Variants in TRIM44 observed in about 807,000 individuals in gnomAD.
TRIM44 encodes tripartite motif-containing protein 44.
Under a neutral mutation model 37.4 loss-of-function variants are expected in TRIM44, and 13 were observed. That is an observed-to-expected ratio of 0.35 (90% CI 0.23 to 0.55). The LOEUF is 0.55. TRIM44 is among the 20% of genes least tolerant of loss of function. The probability of loss-of-function intolerance (pLI) is 0.89; values close to 1 mark genes in which losing one functional copy is unlikely to be tolerated. For synonymous variants in TRIM44, 175 were observed against 157.2 expected (o/e 1.11, Z -0.85); for missense variants, 426 against 437.2 (o/e 0.97, Z 0.23).
At chr11:35,748,560 T>C (rs572511462) in intron 4 of TRIM44, among the ~76,000 whole-genome samples, 13 of 152,362 alleles carry the variant, frequency 8.5e-5, no homozygotes, top group Non-Finnish European at 1.9e-4. Context: ...CTGAATCTTA[T>C]CCTATTGGGT....
chr11:35,747,984 A>G (rs962561948), intron 4 of TRIM44, among the ~76,000 whole-genome samples: 7 of 152,222 alleles, frequency 4.6e-5, no homozygotes, highest in Admixed American at 2.0e-4. Flanking sequence ...CAGATGCTCC[A>G]GCCCAGCATG....
chr11:35,816,819 G>A lies in TRIM44; in HGVS notation c.*10434G>A, dbSNP rs1364929670. The A allele has an allele frequency of 3.3e-5, 5 of 152,208 alleles. No individual in the cohort carries two copies. The allele number at this position is 152,208 out of a possible 1,614,324, so 9.4% of individuals were successfully genotyped here. ...GTGCCTGACACATAGTAAGCACTTA[G>A]AAATGGTAGCTTCTGACTGTTGTGC... On this transcript the variant is annotated 3_prime_UTR_variant, in exon 5 of 5. Coordinates refer to ENST00000299413, the MANE Select transcript of TRIM44 (RefSeq NM_017583.6).
In TRIM44 at chr11:35,812,117, C is replaced by A. The variant is rs182767864; in HGVS notation, c.*5732C>A. ...CTCAACACCACATCCATTGCCCCAG[C>A]CCTTTCTTGTTTTATCTTTCCCTCT... is the stretch of plus-strand genomic sequence containing the variant. On this transcript the variant is annotated 3_prime_UTR_variant, in exon 5 of 5. Coordinates refer to ENST00000299413, the MANE Select transcript of TRIM44 (RefSeq NM_017583.6). 2.0e-5 allele frequency: 3 copies of A among 152,308 alleles called. No homozygotes were observed. The highest frequency in any genetic ancestry group is 2.0e-4 in the Admixed American group (3 of 15,292). 9.4% of individuals were successfully genotyped at this position (152,308 alleles called of 1,614,324 possible). A position where few individuals can be genotyped will look rare whatever the true frequency, so the allele number is the denominator to read the frequency against.
chr11:35,773,022 G>A (rs909527621), intron 4 of TRIM44, among the ~76,000 whole-genome samples: 2 of 152,144 alleles, frequency 1.3e-5, no homozygotes, highest in East Asian at 3.9e-4. Context: ...TTTGAATCAT[G>A]GAGGTGGTTT....
At chr11:35,796,391 T>TA (rs1345608483) in intron 4 of TRIM44, among the ~76,000 whole-genome samples, 2 of 152,256 alleles carry the variant, frequency 1.3e-5, no homozygotes, top group Admixed American at 1.3e-4. Flanking sequence ...ACTTGTGAGA[T>TA]ACAGCAGCTG....
intron 1 of TRIM44, among the ~76,000 whole-genome samples, chr11:35,667,751 A>T (rs1851348297): frequency 6.6e-6 from 1 of 152,098 alleles, no homozygotes; most frequent in Non-Finnish European, 1.5e-5. Flanking sequence ...TCTTACTTTC[A>T]TCTCTTCGTA....
At chr11:35,697,616 A>G (rs1851721828) in intron 2 of TRIM44, among the ~76,000 whole-genome samples, 1 of 150,886 alleles carries the variant, frequency 6.6e-6, no homozygotes, top group Admixed American at 6.6e-5. Flanking sequence ...CCCACACCCC[A>G]CAACAGTCCC....
intron 4 of TRIM44, among the ~76,000 whole-genome samples, chr11:35,756,129 A>G (rs1852634813): frequency 6.6e-6 from 1 of 152,176 alleles, no homozygotes; most frequent in Admixed American, 6.5e-5. Flanking sequence ...GATTCTTCCT[A>G]CGCATGAGCA....
chr11:35,710,978 G>A (rs957406801), intron 2 of TRIM44, among the ~76,000 whole-genome samples: 16 of 152,148 alleles, frequency 1.1e-4, no homozygotes, highest in African/African-American at 3.9e-4. Context: ...TATATGAAAT[G>A]TTCAGAATAG....
In TRIM44 at chr11:35,815,022, G is replaced by T. The variant is rs1004267544; in HGVS notation, c.*8637G>T. 3 of 152,128 alleles carry T rather than the reference G, an allele frequency of 2.0e-5. No homozygotes were observed. The highest frequency in any genetic ancestry group is 7.2e-5 in the African/African-American group (3 of 41,450). The allele number at this position is 152,128 out of a possible 1,614,324, so 9.4% of individuals were successfully genotyped here. On this transcript the variant is annotated 3_prime_UTR_variant, in exon 5 of 5. Coordinates refer to ENST00000299413, the MANE Select transcript of TRIM44 (RefSeq NM_017583.6). ...AGGCATTGCTCCTTCATATTTCAGG[G>T]TGAGACAAATGCTCTGTTGAAGCCA... is the stretch of plus-strand genomic sequence containing the variant.
intron 1 of TRIM44, among the ~76,000 whole-genome samples, chr11:35,666,732 C>T (rs1387233144): frequency 6.6e-6 from 1 of 152,108 alleles, no homozygotes; most frequent in Admixed American, 6.6e-5. Context: ...TCCCTCCAGC[C>T]TGGTCGACAC....
At chr11:35,757,828 T>C (rs142532587) in intron 4 of TRIM44, among the ~76,000 whole-genome samples, 1,528 of 152,264 alleles carry the variant, frequency 0.01, 61 homozygotes, top group Admixed American at 0.07. Flanking sequence ...TTTCTTAATC[T>C]TGAGTTCTAG....
intron 3 of TRIM44, among the ~76,000 whole-genome samples, chr11:35,734,689 G>T (rs897218960): frequency 6.6e-6 from 1 of 152,194 alleles, no homozygotes; most frequent in African/African-American, 2.4e-5. Flanking sequence ...AAAGGAATCT[G>T]CTGTGATCAC....
intron 4 of TRIM44, among the ~76,000 whole-genome samples, chr11:35,783,436 T>C (rs1278811704): frequency 6.6e-6 from 1 of 152,228 alleles, no homozygotes; most frequent in Non-Finnish European, 1.5e-5. Context: ...TCATTATTGC[T>C]TTTATGGACA....
At chr11:35,735,751 T>C (rs530536518) in intron 4 of TRIM44, among the ~76,000 whole-genome samples, 4 of 152,296 alleles carry the variant, frequency 2.6e-5, no homozygotes, top group African/African-American at 9.6e-5. Flanking sequence ...ATGGTAATGG[T>C]ATCAGGTGGA....
intron 4 of TRIM44, among the ~76,000 whole-genome samples, chr11:35,774,722 G>A (rs536679244): frequency 3.3e-4 from 50 of 152,276 alleles, no homozygotes; most frequent in African/African-American, 1.2e-3. Context: ...TATTAAATAG[G>A]GAATCCTTTC....
Position 35,735,351 on chromosome 11 carries a change from G to C in TRIM44, c.988-75G>C, listed in dbSNP as rs1221630747. On this transcript the variant is annotated intron_variant, in intron 3 of 4. Transcript: ENST00000299413. ...CATGCATTCAGGTTGGGAGAGGGGAGGGAAAAGAAAGAAATCTGACTCTGT... is the reference window on the plus strand; with the variant it reads ...CATGCATTCAGGTTGGGAGAGGGGACGGAAAAGAAAGAAATCTGACTCTGT... 5 of 1,507,254 alleles carry C rather than the reference G, an allele frequency of 3.3e-6. No individual in the cohort carries two copies. The East Asian group carries it at 1.1e-4, about 34-fold the overall frequency. 93.4% of individuals were successfully genotyped at this position (1,507,254 alleles called of 1,614,324 possible).
intron 4 of TRIM44, among the ~76,000 whole-genome samples, chr11:35,776,295 C>T (rs535571198): frequency 5.3e-5 from 8 of 152,268 alleles, no homozygotes; most frequent in African/African-American, 1.7e-4. Context: ...TCTGTGGGAT[C>T]AGTGGTGATA....
At chr11:35,708,818 T>A (rs963089022) in intron 2 of TRIM44, among the ~76,000 whole-genome samples, 1 of 151,786 alleles carries the variant, frequency 6.6e-6, no homozygotes, top group East Asian at 1.9e-4. Flanking sequence ...GCTAAATGAC[T>A]AGTTAATGGG....
Sources: gnomAD v4.1 joint callset for allele counts (sites outside exome capture counted in the v4.1 genomes callset) on GRCh38, gnomAD v4.1.1 for gene constraint, MANE v1.5 for transcripts, NCBI Gene and HGNC (gene_info 2026-07-23, HGNC 2026-07-21) for gene names.